Variants in ATP12A observed in about 807,000 individuals in gnomAD.
The protein encoded by ATP12A is ATPase H+/K+ transporting non-gastric alpha2 subunit.
In ATP12A, 81 loss-of-function variants were observed where a neutral mutation model predicts 111.2. The observed-to-expected ratio is 0.73, with a 90% CI of 0.61 to 0.88. The LOEUF (loss-of-function observed/expected upper bound fraction) is 0.88. ATP12A is among the 40% of genes least tolerant of loss of function. ATP12A has a pLI of 0.00. For synonymous variants in ATP12A, 498 were observed against 499.8 expected, an observed-to-expected ratio of 1.00 and a Z score of 0.05; for missense variants, 1,196 against 1,313.1, an observed-to-expected ratio of 0.91 and a Z score of 1.38.
rs775540619 is a variant in ATP12A, at chr13:24,690,650, C to T, written c.728C>T (p.Ser243Phe). 1.9e-6 allele frequency: 3 copies of T among 1,613,976 alleles called. No homozygotes were observed. Among genetic ancestry groups the T allele is most frequent in the Non-Finnish European group, 2.5e-6 (3 of 1,179,968 alleles). ...GGGGAGTCTGAGCCCCAGCCCCGCTCCTCTGAGTTTACCCATGAAAACCCC... is the reference window on the plus strand; with the variant it reads ...GGGGAGTCTGAGCCCCAGCCCCGCTTCTCTGAGTTTACCCATGAAAACCCC... ...LTGESEPQPR[S>F]SEFTHENPLE... The change falls in exon 7 of 23, where the codon TCC becomes TTC. Residue 243 changes from serine to phenylalanine, a missense_variant. Transcript: ENST00000381946.
chr13:24,693,928 C>T (rs1397654809), intron 10 of ATP12A, among the ~76,000 whole-genome samples: 2 of 152,314 alleles, frequency 1.3e-5, no homozygotes, highest in East Asian at 1.9e-4. Context: ...GGGTCTTTCT[C>T]GAATGCCACT....
At chr13:24,692,983 C>A in intron 10 of ATP12A, 87 bp downstream of exon 10, 1 of 1,282,526 alleles carries the variant, frequency 7.8e-7, no homozygotes, top group South Asian at 1.3e-5. Flanking sequence ...TTTCATCTCT[C>A]CAGTTGCTTA....
At chr13:24,709,528 C>A in intron 18 of ATP12A, 41 bp downstream of exon 18, 1 of 1,604,230 alleles carries the variant, frequency 6.2e-7, no homozygotes, top group South Asian at 1.1e-5. Context: ...CGAGGGCCTG[C>A]CCCGAGAATT....
chr13:24,692,846 TGTAACC>T lies in ATP12A; in HGVS notation c.1329_1334del (p.Cys443_Arg445delinsTer). 1.2e-6 allele frequency: 2 copies of T among 1,614,214 alleles called. No individual in the cohort carries two copies. ...CTCCTTATCCAAGATAATAACATTG[TGTAACC>T]GAGCAGAGTTCAAGCCAGGACAGGA... On this transcript the variant is annotated stop_gained and inframe_deletion, in exon 10 of 23. Coordinates refer to ENST00000381946, the MANE Select transcript of ATP12A (RefSeq NM_001676.7). LOFTEE classifies it high-confidence loss of function.
chr13:24,682,038 ATGTGTGTGG>A (rs1874470138), intron 2 of ATP12A, among the ~76,000 whole-genome samples: 1 of 8,924 alleles, frequency 1.1e-4, no homozygotes, highest in Non-Finnish European at 3.6e-4. Context: ...TGGTGTGTGT[ATGTGTGTGG>A]TGTGTGTGTA....
chr13:24,706,163 G>T (rs929952716), intron 14 of ATP12A, 150 bp from the exon 15 acceptor site: 1 of 977,954 alleles, frequency 1.0e-6, no homozygotes, highest in East Asian at 2.6e-5. Context: ...AGTGTTCCCA[G>T]GACTCCTGTT....
chr13:24,681,422 C>G (rs997983856), intron 1 of ATP12A, 140 bp from the exon 2 acceptor site: 2 of 1,037,976 alleles, frequency 1.9e-6, no homozygotes, highest in Admixed American at 2.8e-5. Context: ...CTGTCCGACT[C>G]CCTCCGGCCT....
chr13:24,694,631 T>A (rs1593136761), intron 11 of ATP12A, 53 bp downstream of exon 11: 1 of 1,609,040 alleles, frequency 6.2e-7, no homozygotes, highest in South Asian at 1.1e-5. Context: ...ATGACCTTTC[T>A]ACTTGCATGC....
chr13:24,708,969 G>GAAAGAAAGAAAGAA (rs1316979184), intron 17 of ATP12A, among the ~76,000 whole-genome samples: 10 of 146,466 alleles, frequency 6.8e-5, no homozygotes, highest in Admixed American at 6.1e-4. Context: ...AAGAAGGAAA[G>GAAAGAAAGAAAGAA]AGAAAGAGAA....
In ATP12A at chr13:24,701,988, T is replaced by A; in HGVS notation, c.1935T>A (p.Ser645Arg). Reference protein sequence around the residue: ...HPITAKAIAKSVGIISANSET... With the variant: ...HPITAKAIAKRVGIISANSET... ...TCACAGCCAAAGCTATTGCCAAGAGTGTGGGGATCATTTCAGCCAACAGTG... is the reference window on the plus strand; with the variant it reads ...TCACAGCCAAAGCTATTGCCAAGAGAGTGGGGATCATTTCAGCCAACAGTG... The change falls in exon 14 of 23, where the codon AGT (serine) becomes AGA (arginine). Residue 645 changes from serine to arginine, a missense_variant. Ser to Arg is a moderately radical substitution (Grantham distance 110). This residue lies in a region of ATP12A where 1,126 missense variants were observed against 1,228.5 expected (regional missense o/e 0.92). Coordinates refer to ENST00000381946, the MANE Select transcript of ATP12A (RefSeq NM_001676.7). 1.2e-6 allele frequency: 2 copies of A among 1,614,090 alleles called. No homozygotes were observed. Among genetic ancestry groups the A allele is most frequent in the Non-Finnish European group, 1.7e-6 (2 of 1,180,028 alleles).
Position 24,681,649 on chromosome 13 carries a change from G to C in ATP12A, c.97G>C (p.Gly33Arg), listed in dbSNP as rs1326434608. The C allele has an allele frequency of 6.2e-7, 1 of 1,614,050 alleles. No homozygotes were observed. Among genetic ancestry groups the C allele is most frequent in the African/African-American group, 1.3e-5 (1 of 74,930 alleles). The change falls in exon 2 of 23, where the codon GGT (glycine) becomes CGT (arginine). Residue 33 changes from glycine (G) to arginine (R), a missense_variant. Gly to Arg is a moderately radical substitution (Grantham distance 125). Transcript: ENST00000381946. Reference sequence around the variant, plus strand: ...GGGGGATGGCAAGGAGAAGTATAGGGGTCTGAAGAACAACTGCCTGGAACT... The same window carrying C: ...GGGGGATGGCAAGGAGAAGTATAGGCGTCTGAAGAACAACTGCCTGGAACT... ...DKGDGKEKYR[G>R]LKNNCLELKK...
At chr13:24,709,281 C>CCT in intron 17 of ATP12A, 83 bp from the exon 18 acceptor site, 1 of 203,076 alleles carries the variant, frequency 4.9e-6, no homozygotes, top group African/African-American at 2.4e-5. Flanking sequence ...CAGCCAGTGC[C>CCT]CCACCCACCC....
chr13:24,695,441 T>G (rs376631141), intron 11 of ATP12A, among the ~76,000 whole-genome samples: 7 of 152,108 alleles, frequency 4.6e-5, no homozygotes, highest in African/African-American at 1.7e-4. Flanking sequence ...CAGGTCCCCA[T>G]GCAGATGGGA....
intron 12 of ATP12A, 57 bp from the exon 13 acceptor site, chr13:24,700,690 A>AT (rs947474353): frequency 3.4e-5 from 52 of 1,532,808 alleles, no homozygotes; most frequent in African/African-American, 6.9e-5. Flanking sequence ...TTCTCCTCTT[A>AT]TTTTTTTTCG....
At position 24,680,826 on chromosome 13, in the gene ATP12A, G is replaced by T; in HGVS notation, c.9+74G>T. 3.5e-6 allele frequency: 5 copies of T among 1,418,788 alleles called. No individual in the cohort carries two copies. In the South Asian group the frequency reaches 4.4e-5, roughly 13 times the overall value. The allele number at this position is 1,418,788 out of a possible 1,614,324, so 87.9% of individuals were successfully genotyped here. A position where few individuals can be genotyped will look rare whatever the true frequency, so the allele number is the denominator to read the frequency against. On this transcript the variant is annotated intron_variant, in intron 1 of 22. Transcript: ENST00000381946. Reference sequence around the variant, plus strand: ...GCCCCGGGGACCGGAGCAGGCTGACGGGAAGCGAGGAAAAGGCGAAGAGGA... The same window carrying T: ...GCCCCGGGGACCGGAGCAGGCTGACTGGAAGCGAGGAAAAGGCGAAGAGGA...
chr13:24,709,551 G>T (rs936799256), intron 18 of ATP12A, 64 bp downstream of exon 18: 8 of 1,599,798 alleles, frequency 5.0e-6, no homozygotes, highest in Non-Finnish European at 6.8e-6. Context: ...CTGGAGTGGG[G>T]GGCACAGCCA....
intron 17 of ATP12A, among the ~76,000 whole-genome samples, chr13:24,708,838 AAGAGAGAAAGAGAG>A (rs1289332853): frequency 1.3e-5 from 2 of 149,454 alleles, no homozygotes; most frequent in East Asian, 1.9e-4. Flanking sequence ...GAGAGAAAGA[AAGAGAGAAAGAGAG>A]AGAGGGAAAG....
intron 2 of ATP12A, among the ~76,000 whole-genome samples, chr13:24,682,100 TG>T: frequency 9.2e-6 from 1 of 108,226 alleles, no homozygotes; most frequent in Non-Finnish European, 1.9e-5. Context: ...GTGTGTGATG[TG>T]TGTGTGATGT....
intron 2 of ATP12A, among the ~76,000 whole-genome samples, chr13:24,684,960 G>C (rs1874617277): frequency 6.6e-6 from 1 of 152,210 alleles, no homozygotes; most frequent in Non-Finnish European, 1.5e-5. Flanking sequence ...TCAGGCCTGA[G>C]GGAAGCCTCC....
Sources: allele counts gnomAD v4.1 joint callset (sites outside exome capture counted in the v4.1 genomes callset), GRCh38; gene constraint gnomAD v4.1.1; regional missense constraint gnomAD v4.1.1; transcripts MANE v1.5; gene names NCBI Gene and HGNC (gene_info 2026-07-23, HGNC 2026-07-21).